Variants in ADAMTS3 observed in about 807,000 individuals in gnomAD.
The protein encoded by ADAMTS3 is ADAM metallopeptidase with thrombospondin type 1 motif 3, also known as A disintegrin and metalloproteinase with thrombospondin motifs 3.
ADAMTS3 carries 73 observed loss-of-function variants against 129.0 expected under a neutral mutation model. That is an observed-to-expected ratio of 0.57 (90% CI 0.47 to 0.69). The LOEUF (loss-of-function observed/expected upper bound fraction) is 0.69. ADAMTS3 is among the 30% of genes least tolerant of loss of function. The probability of loss-of-function intolerance (pLI) is 0.00; values close to 1 mark genes in which losing one functional copy is unlikely to be tolerated. For missense variants in ADAMTS3, 1,457 were observed against 1,514.5 expected, an observed-to-expected ratio of 0.96 and a Z score of 0.63; for synonymous variants, 477 against 510.8, an observed-to-expected ratio of 0.93 and a Z score of 0.89.
At chr4:72,409,554 T>A (rs548077440) in intron 4 of ADAMTS3, among the ~76,000 whole-genome samples, 1 of 141,498 alleles carries the variant, frequency 7.1e-6, no homozygotes, top group Non-Finnish European at 1.6e-5. Context: ...CATCTTCAAT[T>A]CTTTATTGGA....
intron 3 of ADAMTS3, among the ~76,000 whole-genome samples, chr4:72,485,223 T>C (rs1276012317): frequency 6.6e-6 from 1 of 152,168 alleles, no homozygotes; most frequent in Non-Finnish European, 1.5e-5. Context: ...ATCCACATAT[T>C]CCAATATACT....
intron 4 of ADAMTS3, among the ~76,000 whole-genome samples, chr4:72,406,739 G>A (rs554533936): frequency 2.6e-4 from 39 of 152,270 alleles, no homozygotes; most frequent in African/African-American, 8.4e-4. Context: ...TCCAAATAAA[G>A]TAGGGTTTTT....
At chr4:72,385,096 C>T (rs1044925404) in intron 4 of ADAMTS3, among the ~76,000 whole-genome samples, 5 of 151,778 alleles carry the variant, frequency 3.3e-5, no homozygotes, top group African/African-American at 9.7e-5. Flanking sequence ...AGGAGAATGG[C>T]GTGAACCTGG....
intron 5 of ADAMTS3, among the ~76,000 whole-genome samples, chr4:72,331,590 G>T (rs2109822476): frequency 6.6e-6 from 1 of 152,212 alleles, no homozygotes; most frequent in East Asian, 1.9e-4. Context: ...GTTAGCCCCA[G>T]CTTCTCTTTC....
chr4:72,559,551 G>T (rs542759087), intron 2 of ADAMTS3, among the ~76,000 whole-genome samples: 1 of 151,748 alleles, frequency 6.6e-6, no homozygotes, highest in African/African-American at 2.4e-5. Flanking sequence ...GGAAATTAAA[G>T]TTCCTGGAAA....
intron 20 of ADAMTS3, among the ~76,000 whole-genome samples, chr4:72,289,942 T>C (rs547923876): frequency 6.6e-6 from 1 of 152,334 alleles, no homozygotes; most frequent in Admixed American, 6.5e-5. Context: ...AAGAAATAGA[T>C]AAGACAACTT....
At chr4:72,559,863 C>G (rs891363962) in intron 2 of ADAMTS3, among the ~76,000 whole-genome samples, 9 of 151,404 alleles carry the variant, frequency 5.9e-5, no homozygotes, top group African/African-American at 2.0e-4. Context: ...CATATGGAAC[C>G]AAAAAAGAGC....
At chr4:72,338,113 G>A (rs1018200124) in intron 5 of ADAMTS3, among the ~76,000 whole-genome samples, 5 of 152,074 alleles carry the variant, frequency 3.3e-5, no homozygotes, top group African/African-American at 1.2e-4. Flanking sequence ...GTAAATAATG[G>A]ATGACTTGTA....
At chr4:72,357,632 C>G (rs915052762) in intron 4 of ADAMTS3, among the ~76,000 whole-genome samples, 1 of 151,792 alleles carries the variant, frequency 6.6e-6, no homozygotes, top group Non-Finnish European at 1.5e-5. Flanking sequence ...AAAGGCCAAA[C>G]AACACTAGGT....
intron 2 of ADAMTS3, among the ~76,000 whole-genome samples, chr4:72,554,792 C>T (rs568498182): frequency 6.6e-6 from 1 of 151,894 alleles, no homozygotes; most frequent in South Asian, 2.1e-4. Flanking sequence ...ACAAATTATA[C>T]CAAAATACTG....
chr4:72,301,910 AG>A (rs1423451308), intron 17 of ADAMTS3, among the ~76,000 whole-genome samples: 1 of 152,018 alleles, frequency 6.6e-6, no homozygotes, highest in Non-Finnish European at 1.5e-5. Flanking sequence ...TCCATGACTG[AG>A]GGTTGGTCTG....
At chr4:72,413,179 T>C (rs994259311) in intron 4 of ADAMTS3, among the ~76,000 whole-genome samples, 2 of 151,992 alleles carry the variant, frequency 1.3e-5, no homozygotes, top group African/African-American at 2.4e-5. Flanking sequence ...AATGTAGTAA[T>C]AGGGTACAGC....
At chr4:72,329,991 T>C (rs1333664576) in intron 5 of ADAMTS3, among the ~76,000 whole-genome samples, 1 of 152,106 alleles carries the variant, frequency 6.6e-6, no homozygotes, top group East Asian at 1.9e-4. Context: ...CCAGTATCTA[T>C]AGGCTGATGA....
At chr4:72,463,564 C>A (rs552887248) in intron 3 of ADAMTS3, among the ~76,000 whole-genome samples, 1 of 151,866 alleles carries the variant, frequency 6.6e-6, no homozygotes, top group African/African-American at 2.4e-5. Context: ...CAATTTCTAA[C>A]CATATTATAA....
At position 72,440,716 on chromosome 4, in the gene ADAMTS3, G is replaced by GA. The variant is rs140740145; in HGVS notation, c.505-25746dup. On this transcript the variant is annotated intron_variant, in intron 3 of 21. Coordinates refer to ENST00000286657, the MANE Select transcript of ADAMTS3 (RefSeq NM_014243.3). ...TGAAGATACAGCACAGTGCAGCTGA[G>GA]AACTTTATACAAAAAGAACAATTCA... is the stretch of plus-strand genomic sequence containing the variant. 7.3e-3 allele frequency among the ~76,000 whole-genome samples: 1,107 copies of GA among 151,836 alleles called. 19 individuals are homozygous for GA. Among genetic ancestry groups the GA allele is most frequent in the African/African-American group, 0.026 (1,066 of 41,486 alleles).
intron 14 of ADAMTS3, among the ~76,000 whole-genome samples, chr4:72,310,427 A>G (rs1719201270): frequency 6.6e-6 from 1 of 152,112 alleles, no homozygotes; most frequent in African/African-American, 2.4e-5. Context: ...AGACTCATTA[A>G]TACAGCACTT....
intron 3 of ADAMTS3, among the ~76,000 whole-genome samples, chr4:72,508,272 C>A (rs948802206): frequency 2.0e-5 from 3 of 152,152 alleles, no homozygotes; most frequent in African/African-American, 7.2e-5. Flanking sequence ...ATGACTCACT[C>A]ATAGCAATAG....
chr4:72,520,319 T>A (rs1007547343), intron 3 of ADAMTS3, among the ~76,000 whole-genome samples: 4 of 151,980 alleles, frequency 2.6e-5, no homozygotes, highest in African/African-American at 9.6e-5. Context: ...GGCAGTCTGC[T>A]TGTTCTCAGA....
chr4:72,545,112 T>G (rs1419159349), intron 3 of ADAMTS3, among the ~76,000 whole-genome samples: 1 of 152,198 alleles, frequency 6.6e-6, no homozygotes, highest in Non-Finnish European at 1.5e-5. Flanking sequence ...TTTTCTACTT[T>G]ATTCCAAGAT....
Sources: gnomAD v4.1 joint callset for allele counts (sites outside exome capture counted in the v4.1 genomes callset) on GRCh38, gnomAD v4.1.1 for gene constraint, MANE v1.5 for transcripts, NCBI Gene and HGNC (gene_info 2026-07-23, HGNC 2026-07-21) for gene names.